Variants in DNER observed in about 807,000 individuals in gnomAD.
DNER encodes the protein delta and Notch-like epidermal growth factor-related receptor.
DNER carries 33 observed loss-of-function variants against 78.2 expected under a neutral mutation model. That is an observed-to-expected ratio of 0.42 (90% confidence interval 0.32 to 0.56). The LOEUF is 0.56. DNER is among the 20% of genes least tolerant of loss of function. The pLI, the probability that DNER is intolerant of heterozygous loss-of-function variation, is 0.11. For missense variants in DNER, 918 were observed against 975.3 expected (o/e 0.94, Z 0.78); for synonymous variants, 417 against 384.8 (o/e 1.08, Z -0.98).
intron 1 of DNER, among the ~76,000 whole-genome samples, chr2:229,621,263 G>C (rs1158203402): frequency 6.6e-6 from 1 of 152,136 alleles, no homozygotes; most frequent in African/African-American, 2.4e-5. Context: ...GCCCTATTTT[G>C]ATCATTCCTA....
intron 8 of DNER, among the ~76,000 whole-genome samples, chr2:229,441,680 C>T (rs1013788099): frequency 2.0e-5 from 3 of 152,150 alleles, no homozygotes; most frequent in Admixed American, 6.5e-5. Flanking sequence ...TGGTATTTTG[C>T]GGGTTGCAGG....
chr2:229,554,781 G>C (rs1378925220), intron 4 of DNER, among the ~76,000 whole-genome samples: 2 of 151,784 alleles, frequency 1.3e-5, no homozygotes, highest in Non-Finnish European at 2.9e-5. Context: ...CTTGAGCACA[G>C]GAAGGGGAGA....
chr2:229,374,982 C>T (rs1692566385), intron 11 of DNER, among the ~76,000 whole-genome samples: 2 of 152,194 alleles, frequency 1.3e-5, no homozygotes, highest in Non-Finnish European at 2.9e-5. Flanking sequence ...ACACATCCAT[C>T]AGAGCTCTTC....
At chr2:229,685,230 AG>A (rs1291246816) in intron 1 of DNER, among the ~76,000 whole-genome samples, 2 of 130,094 alleles carry the variant, frequency 1.5e-5, no homozygotes, top group Non-Finnish European at 3.3e-5. Context: ...GTTATTTAAA[AG>A]TTTTAGAATT....
intron 1 of DNER, among the ~76,000 whole-genome samples, chr2:229,609,566 C>T (rs1698006350): frequency 1.3e-5 from 2 of 152,168 alleles, no homozygotes; most frequent in South Asian, 2.1e-4. Flanking sequence ...GCCACAGAGA[C>T]CTTGTAGCTC....
intron 6 of DNER, among the ~76,000 whole-genome samples, chr2:229,481,069 C>A (rs1194377563): frequency 6.6e-6 from 1 of 152,150 alleles, no homozygotes; most frequent in Admixed American, 6.5e-5. Flanking sequence ...GTGCTACTGG[C>A]AATAACCAGC....
chr2:229,548,572 T>C (rs1696667498), intron 4 of DNER, among the ~76,000 whole-genome samples: 1 of 151,828 alleles, frequency 6.6e-6, no homozygotes, highest in South Asian at 2.1e-4. Context: ...GAGGGGAACA[T>C]CACACACTGG....
chr2:229,657,330 G>A (rs1057307321), intron 1 of DNER, among the ~76,000 whole-genome samples: 3 of 152,122 alleles, frequency 2.0e-5, no homozygotes, highest in East Asian at 1.9e-4. Context: ...TCATTTTTTT[G>A]TGGTTGAAAA....
At chr2:229,469,144 A>G (rs1694868335) in intron 7 of DNER, among the ~76,000 whole-genome samples, 1 of 152,208 alleles carries the variant, frequency 6.6e-6, no homozygotes, top group African/African-American at 2.4e-5. Context: ...GTATGTTTCT[A>G]CATGCCAGAT....
chr2:229,588,815 T>C (rs1482261088), intron 2 of DNER, among the ~76,000 whole-genome samples: 1 of 152,208 alleles, frequency 6.6e-6, no homozygotes, highest in Admixed American at 6.5e-5. Context: ...CATTGACCCC[T>C]GCACTATGCT....
chr2:229,540,392 A>T (rs1038852529), intron 5 of DNER, among the ~76,000 whole-genome samples: 10 of 152,174 alleles, frequency 6.6e-5, no homozygotes, highest in Admixed American at 5.2e-4. Context: ...TGTGTCACTC[A>T]GTGAGTGAAC....
chr2:229,470,492 A>AAATAAT (rs35509878), intron 7 of DNER, among the ~76,000 whole-genome samples: 343 of 151,740 alleles, frequency 2.3e-3, no homozygotes, highest in African/African-American at 7.2e-3. Flanking sequence ...GCTATGCAAA[A>AAATAAT]AATAATAATA....
At chr2:229,491,272 G>A (rs1470910859) in intron 6 of DNER, among the ~76,000 whole-genome samples, 1 of 152,182 alleles carries the variant, frequency 6.6e-6, no homozygotes, top group Non-Finnish European at 1.5e-5. Flanking sequence ...TTTACGAGGT[G>A]CATGCAGATT....
At chr2:229,493,111 C>T (rs1322368881) in intron 6 of DNER, among the ~76,000 whole-genome samples, 10 of 152,154 alleles carry the variant, frequency 6.6e-5, no homozygotes, top group East Asian at 1.9e-4. Context: ...AAACCAACAA[C>T]GCAAAGGCAC....
intron 7 of DNER, among the ~76,000 whole-genome samples, chr2:229,465,645 G>A (rs750719550): frequency 6.6e-5 from 10 of 152,218 alleles, no homozygotes; most frequent in Admixed American, 1.3e-4. Flanking sequence ...TGCTGAATCA[G>A]AATATGCATT....
intron 11 of DNER, among the ~76,000 whole-genome samples, chr2:229,383,232 A>G (rs1462385843): frequency 6.6e-6 from 1 of 152,232 alleles, no homozygotes; most frequent in Non-Finnish European, 1.5e-5. Context: ...TGTTACCACC[A>G]GGCCTGCCTT....
chr2:229,532,763 G>T (rs1696329383), intron 5 of DNER, among the ~76,000 whole-genome samples: 1 of 152,212 alleles, frequency 6.6e-6, no homozygotes, highest in Non-Finnish European at 1.5e-5. Flanking sequence ...CACTTTAGAA[G>T]ATTTCTATAA....
chr2:229,554,470 T>C (rs1049903285), intron 4 of DNER, among the ~76,000 whole-genome samples: 3 of 152,112 alleles, frequency 2.0e-5, no homozygotes, highest in African/African-American at 7.2e-5. Context: ...GGTGGGCAGA[T>C]CACTTGAGGG....
At chr2:229,576,275 A>G (rs1398902229) in intron 4 of DNER, among the ~76,000 whole-genome samples, 1 of 150,880 alleles carries the variant, frequency 6.6e-6, no homozygotes, top group Non-Finnish European at 1.5e-5. Context: ...AGAGCAGGGT[A>G]TCTTAGAGGA....
Sources: gnomAD v4.1 joint callset for allele counts (sites outside exome capture counted in the v4.1 genomes callset) on GRCh38, gnomAD v4.1.1 for gene constraint, MANE v1.5 for transcripts, NCBI Gene and HGNC (gene_info 2026-07-23, HGNC 2026-07-21) for gene names.